Variants in MAGI2 observed in about 807,000 individuals in gnomAD.
The protein encoded by MAGI2 is membrane associated guanylate kinase, WW and PDZ domain containing 2.
A neutral mutation model predicts 133.3 loss-of-function variants in MAGI2; 35 were observed. That is an observed-to-expected ratio of 0.26 (90% CI 0.20 to 0.35). MAGI2 has a LOEUF of 0.35. Ranked by LOEUF, MAGI2 falls within the 10% of genes least tolerant of loss-of-function variation. The pLI, the probability that MAGI2 is intolerant of heterozygous loss-of-function variation, is 1.00. For missense variants in MAGI2, 1,636 were observed against 1,863.4 expected (o/e 0.88, Z 2.25); for synonymous variants, 729 against 710.6 (o/e 1.03, Z -0.41).
chr7:79,453,418 A>G lies in MAGI2; in HGVS notation c.-98T>C. On this transcript the variant is annotated 5_prime_UTR_variant, in exon 1 of 22. Coordinates refer to ENST00000354212, the MANE Select transcript of MAGI2 (RefSeq NM_012301.4). ...GGAGGAGCAAGGGGGCCCAGGGGGA[A>G]GAACAGCAGACTTTGCCTTCGCCCC... The G allele has an allele frequency of 2.0e-6, 3 of 1,506,210 alleles. No homozygotes were observed. Among genetic ancestry groups the G allele is most frequent in the African/African-American group, 1.4e-5 (1 of 71,712 alleles). 93.3% of individuals were successfully genotyped at this position (1,506,210 alleles called of 1,614,324 possible).
intron 1 of MAGI2, among the ~76,000 whole-genome samples, chr7:79,276,310 C>T (rs778293791): frequency 4.1e-4 from 62 of 152,084 alleles, no homozygotes; most frequent in Non-Finnish European, 8.5e-4. Flanking sequence ...TAGGAAGTCA[C>T]TGCTTATGTA....
intron 3 of MAGI2, among the ~76,000 whole-genome samples, chr7:78,556,331 T>G (rs1799819650): frequency 6.6e-6 from 1 of 152,176 alleles, no homozygotes; most frequent in Non-Finnish European, 1.5e-5. Context: ...GCTGACAAAC[T>G]TGTCCCAATA....
intron 2 of MAGI2, among the ~76,000 whole-genome samples, chr7:78,742,115 G>A (rs1376246948): frequency 6.6e-6 from 1 of 151,890 alleles, no homozygotes; most frequent in Non-Finnish European, 1.5e-5. Flanking sequence ...ATGAAACATA[G>A]TGCTCAAAAT....
chr7:78,190,754 G>A (rs1222299807), intron 12 of MAGI2, among the ~76,000 whole-genome samples: 1 of 152,216 alleles, frequency 6.6e-6, no homozygotes, highest in African/African-American at 2.4e-5. Context: ...AATGGCATAT[G>A]TAGTCCAGCA....
At chr7:78,670,443 C>T (rs891698617) in intron 2 of MAGI2, among the ~76,000 whole-genome samples, 5 of 152,158 alleles carry the variant, frequency 3.3e-5, no homozygotes, top group East Asian at 1.9e-4. Flanking sequence ...AATGGAAGAA[C>T]GTTCAATGCT....
At chr7:78,900,120 G>A (rs970579655) in intron 2 of MAGI2, among the ~76,000 whole-genome samples, 3 of 152,134 alleles carry the variant, frequency 2.0e-5, no homozygotes, top group Non-Finnish European at 2.9e-5. Context: ...AAAGCCTTGA[G>A]TGAATCCTCA....
At chr7:78,460,858 T>C (rs969321152) in intron 6 of MAGI2, among the ~76,000 whole-genome samples, 14 of 152,152 alleles carry the variant, frequency 9.2e-5, no homozygotes, top group South Asian at 2.1e-4. Flanking sequence ...ATAAACCTTA[T>C]GTCTTATTCA....
intron 1 of MAGI2, among the ~76,000 whole-genome samples, chr7:79,214,738 T>C (rs954501262): frequency 1.3e-4 from 18 of 139,420 alleles, no homozygotes; most frequent in African/African-American, 4.5e-4. Flanking sequence ...TATATAAATA[T>C]AAATATATAA....
chr7:79,159,343 G>T (rs531916654), intron 1 of MAGI2, among the ~76,000 whole-genome samples: 7 of 151,758 alleles, frequency 4.6e-5, no homozygotes, highest in African/African-American at 1.4e-4. Flanking sequence ...GTGAAACCTT[G>T]TCTCTACTAA....
intron 3 of MAGI2, among the ~76,000 whole-genome samples, chr7:78,578,664 C>T (rs984349312): frequency 6.6e-6 from 1 of 152,114 alleles, no homozygotes; most frequent in African/African-American, 2.4e-5. Flanking sequence ...AGGAGGACTG[C>T]TTTGAAGATT....
At chr7:79,168,933 T>TATAA (rs1554393062) in intron 1 of MAGI2, among the ~76,000 whole-genome samples, 5 of 133,124 alleles carry the variant, frequency 3.8e-5, no homozygotes, top group African/African-American at 1.4e-4. Flanking sequence ...TATATATATA[T>TATAA]AAATTTTTTT....
At chr7:78,484,065 T>C (rs1792711574) in intron 6 of MAGI2, 1 of 151,902 alleles carries the variant, frequency 6.6e-6, no homozygotes, top group Non-Finnish European at 1.5e-5. Flanking sequence ...ACAAATTTAA[T>C]GAGAAAGGCC....
At chr7:78,083,359 T>TG (rs1228716279) in intron 20 of MAGI2, among the ~76,000 whole-genome samples, 1,766 of 61,504 alleles carry the variant, frequency 0.029, 43 homozygotes, top group Middle Eastern at 0.14. Flanking sequence ...AAGGAGATGG[T>TG]GGGGGGGCGG....
intron 9 of MAGI2, among the ~76,000 whole-genome samples, chr7:78,322,439 G>GA (rs1788098554): frequency 6.6e-6 from 1 of 152,190 alleles, no homozygotes; most frequent in Non-Finnish European, 1.5e-5. Context: ...CATAAAAAAG[G>GA]ATATGTTTCT....
At chr7:78,662,279 C>T (rs1813046250) in intron 2 of MAGI2, among the ~76,000 whole-genome samples, 1 of 152,016 alleles carries the variant, frequency 6.6e-6, no homozygotes, top group South Asian at 2.1e-4. Context: ...CTATATGGAG[C>T]CCTTCTACCT....
At chr7:78,521,992 TA>T (rs1226366935) in intron 3 of MAGI2, among the ~76,000 whole-genome samples, 1 of 152,206 alleles carries the variant, frequency 6.6e-6, no homozygotes, top group African/African-American at 2.4e-5. Context: ...TATAACCTTT[TA>T]AAAAATAATT....
intron 2 of MAGI2, among the ~76,000 whole-genome samples, chr7:78,878,762 G>C (rs930669471): frequency 3.9e-5 from 6 of 152,212 alleles, no homozygotes; most frequent in Admixed American, 3.9e-4. Context: ...AAATCGTGGT[G>C]CAGTGGGGCC....
At chr7:79,186,095 G>A (rs1827061198) in intron 1 of MAGI2, among the ~76,000 whole-genome samples, 1 of 150,630 alleles carries the variant, frequency 6.6e-6, no homozygotes, top group Non-Finnish European at 1.5e-5. Context: ...ATACACATGT[G>A]TAGACATACA....
intron 1 of MAGI2, among the ~76,000 whole-genome samples, chr7:79,192,198 TTTACC>T (rs1346223180): frequency 1.3e-5 from 2 of 151,942 alleles, no homozygotes; most frequent in African/African-American, 4.8e-5. Context: ...TTTGACGTAC[TTTACC>T]TTTCAGCAAG....
Sources: allele counts gnomAD v4.1 joint callset (sites outside exome capture counted in the v4.1 genomes callset), GRCh38; gene constraint gnomAD v4.1.1; transcripts MANE v1.5; gene names NCBI Gene and HGNC (gene_info 2026-07-23, HGNC 2026-07-21).